PIEZO2: variants seen among roughly 807,000 people sequenced by gnomAD.
PIEZO2 encodes piezo-type mechanosensitive ion channel component 2.
PIEZO2 carries 172 observed loss-of-function variants against 337.3 expected under a neutral mutation model. The observed-to-expected ratio is 0.51, with a 90% CI of 0.45 to 0.58. The LOEUF (loss-of-function observed/expected upper bound fraction) is 0.58, where lower values mean the gene tolerates loss of function less well. Ranked by LOEUF, PIEZO2 falls within the 20% of genes least tolerant of loss-of-function variation. The pLI is 0.00. For missense variants in PIEZO2, 3,028 were observed against 3,391.3 expected, an observed-to-expected ratio of 0.89 and a Z score of 2.66; for synonymous variants, 1,251 against 1,228.5, an observed-to-expected ratio of 1.02 and a Z score of -0.38.
At chr18:10,961,806 A>T (rs1382082609) in intron 3 of PIEZO2, among the ~76,000 whole-genome samples, 2 of 152,222 alleles carry the variant, frequency 1.3e-5, no homozygotes, top group African/African-American at 4.8e-5. Flanking sequence ...GTCCACACTT[A>T]TCCAACCTTA....
chr18:10,967,907 GATTATT>G (rs757640823), intron 3 of PIEZO2, among the ~76,000 whole-genome samples: 3 of 151,452 alleles, frequency 2.0e-5, no homozygotes, highest in Non-Finnish European at 4.4e-5. Context: ...TTACTCTGCT[GATTATT>G]ATTATTATTA....
chr18:10,935,046 C>G (rs915014916), intron 3 of PIEZO2, among the ~76,000 whole-genome samples: 147 of 152,256 alleles, frequency 9.7e-4, no homozygotes, highest in Non-Finnish European at 3.5e-4. Flanking sequence ...GCTCTAACCA[C>G]TATGCTACAG....
chr18:11,021,778 A>G lies in PIEZO2; in HGVS notation c.161-42118T>C, dbSNP rs2036321704. Reference sequence around the variant, plus strand: ...GCACCTGCAGTGTGTGTGAGGCATCATCTAGACGCTGGGGGACTGCAGATG... The same window carrying G: ...GCACCTGCAGTGTGTGTGAGGCATCGTCTAGACGCTGGGGGACTGCAGATG... On this transcript the variant is annotated intron_variant, in intron 2 of 55. Transcript: ENST00000674853. This position sits in a 1 kb window ranked among gnomAD's most constrained non-coding sequence, Gnocchi z 4.7. 6.6e-6 allele frequency among the ~76,000 whole-genome samples: 1 copy of G among 152,214 alleles called. No individual in the cohort carries two copies. The highest frequency in any genetic ancestry group is 2.4e-5 in the African/African-American group (1 of 41,454).
intron 1 of PIEZO2, among the ~76,000 whole-genome samples, chr18:11,095,299 T>A (rs2039231119): frequency 6.6e-6 from 1 of 152,200 alleles, no homozygotes; most frequent in African/African-American, 2.4e-5. Context: ...GAGAAATAAA[T>A]AATACTCCCT....
In PIEZO2 at chr18:10,715,772, C is replaced by T; in HGVS notation, c.5134G>A (p.Val1712Ile). The part of the protein sequence containing the change: ...RIFNILKFTW[V>I]LFLATVDSFT... ...CTGTCCACTGTTGCCAGAAATAGGA[C>T]CCAGGTAAATTTCAAAATATTAAAT... The change falls in exon 38 of 56, where the codon GTC becomes ATC. Residue 1712 changes from valine (V) to isoleucine (I), a missense_variant. Val to Ile is a conservative substitution (Grantham distance 29). Transcript: ENST00000674853. 10 of 1,533,700 alleles carry T rather than the reference C, an allele frequency of 6.5e-6. No homozygotes were observed. Among genetic ancestry groups the T allele is most frequent in the Non-Finnish European group, 7.0e-6 (8 of 1,144,448 alleles).
rs956138619 is a variant in PIEZO2, at chr18:10,727,961, A to G, written c.5029+3446T>C. On this transcript the variant is annotated intron_variant, in intron 36 of 55. Transcript: ENST00000674853. The surrounding 1 kb of genome is among the most constrained non-coding windows in gnomAD (Gnocchi z 6.3). ...ACAATTAAAACAGTAATAACAAAAAAAAAAAAGAAAAAAGAAAAAAAGGGA... is the reference window on the plus strand; with the variant it reads ...ACAATTAAAACAGTAATAACAAAAAGAAAAAAGAAAAAAGAAAAAAAGGGA... 2.6e-5 allele frequency: 4 copies of G among 152,030 alleles called. No homozygotes were observed. The highest frequency in any genetic ancestry group is 5.9e-5 in the Non-Finnish European group (4 of 68,032). The allele number at this position is 152,030 out of a possible 1,614,324, so 9.4% of individuals were successfully genotyped here.
At chr18:11,034,175 C>A (rs1216398490) in intron 2 of PIEZO2, among the ~76,000 whole-genome samples, 1 of 136,916 alleles carries the variant, frequency 7.3e-6, no homozygotes, top group Non-Finnish European at 1.6e-5. Context: ...CAAAATAGTT[C>A]AGTCAGAAGT....
rs569772939 is a variant in PIEZO2 at position 11,077,819 on chromosome 18, G to A, written c.65-11597C>T. Among the ~76,000 whole-genome samples, 34 of 152,206 alleles carry A rather than the reference G, an allele frequency of 2.2e-4. No homozygotes were observed. The highest frequency in any genetic ancestry group is 3.7e-4 in the Non-Finnish European group (25 of 68,026). ...GTTCAGTTCAACATAAAATAAGGTG[G>A]GAATGGCTTACTAGACTGTGTTACA... On this transcript the variant is annotated intron_variant, in intron 1 of 55. Coordinates refer to ENST00000674853, the MANE Select transcript of PIEZO2 (RefSeq NM_001378183.1). The surrounding 1 kb of genome is among the most constrained non-coding windows in gnomAD (Gnocchi z 4.8).
At chr18:10,704,364 C>A (rs1210904892) in intron 42 of PIEZO2, 30 bp downstream of exon 42, 2 of 1,533,214 alleles carry the variant, frequency 1.3e-6, no homozygotes, top group East Asian at 2.4e-5. Context: ...CCGCCTGAAG[C>A]CATCCACAGG....
At chr18:11,025,389 G>A (rs1412324725) in intron 2 of PIEZO2, among the ~76,000 whole-genome samples, 3 of 152,148 alleles carry the variant, frequency 2.0e-5, no homozygotes, top group East Asian at 1.9e-4. Context: ...TAGTGTTTCC[G>A]TGAATTGCCT....
At chr18:10,696,027 C>T (rs766599588) in intron 47 of PIEZO2, 47 bp downstream of exon 47, 136 of 1,540,522 alleles carry the variant, frequency 8.8e-5, no homozygotes, top group Non-Finnish European at 1.2e-4. Flanking sequence ...TCAGGAAACA[C>T]AGTTGCATGG....
intron 1 of PIEZO2, among the ~76,000 whole-genome samples, chr18:11,139,316 A>C (rs953164580): frequency 6.6e-6 from 1 of 152,206 alleles, no homozygotes; most frequent in Non-Finnish European, 1.5e-5. Context: ...AAGATAGTAC[A>C]TTTCACCTTG....
At position 10,837,537 on chromosome 18, in the gene PIEZO2, G is replaced by T. The variant is rs904041116; in HGVS notation, c.917+17816C>A. Among the ~76,000 whole-genome samples, 17 of 152,106 alleles carry T rather than the reference G, an allele frequency of 1.1e-4. No homozygotes were observed. The highest frequency in any genetic ancestry group is 4.1e-4 in the African/African-American group (17 of 41,416). ...CCAGCAAGAAAGCTTGAGAACCACT[G>T]GTAGATGGTATCAATATCTCTTCCC... On this transcript the variant is annotated intron_variant, in intron 7 of 55. Coordinates refer to ENST00000674853, the MANE Select transcript of PIEZO2 (RefSeq NM_001378183.1). The surrounding 1 kb of genome is among the most constrained non-coding windows in gnomAD (Gnocchi z 4.4).
rs763696919 is a variant in PIEZO2, at chr18:11,109,153, G to C, written c.64+39372C>G. Among the ~76,000 whole-genome samples, 28 of 152,264 alleles carry C rather than the reference G, an allele frequency of 1.8e-4. No homozygotes were observed. The highest frequency in any genetic ancestry group is 3.2e-4 in the Non-Finnish European group (22 of 68,024). The stretch of plus-strand genomic sequence containing the variant: ...GGACGCTGAGTAAACAGTCTGCACA[G>C]CTTACAAACCACACATCTTGACAAC... On this transcript the variant is annotated intron_variant, in intron 1 of 55. Coordinates refer to ENST00000674853, the MANE Select transcript of PIEZO2 (RefSeq NM_001378183.1). The surrounding 1 kb of genome is among the most constrained non-coding windows in gnomAD (Gnocchi z 5.1).
chr18:10,838,712 T>C (rs2041097500), intron 7 of PIEZO2, among the ~76,000 whole-genome samples: 2 of 152,224 alleles, frequency 1.3e-5, no homozygotes, highest in Non-Finnish European at 2.9e-5. Context: ...GTTTATATTC[T>C]ATGAGTGTTG....
At chr18:11,140,136 C>T (rs1250381138) in intron 1 of PIEZO2, among the ~76,000 whole-genome samples, 1 of 152,176 alleles carries the variant, frequency 6.6e-6, no homozygotes, top group Non-Finnish European at 1.5e-5. Context: ...AGAGCAGCCC[C>T]AGAGCTCTTC....
At chr18:10,757,286 A>C (rs1425337969) in intron 27 of PIEZO2, among the ~76,000 whole-genome samples, 1 of 143,550 alleles carries the variant, frequency 7.0e-6, no homozygotes, top group Non-Finnish European at 1.5e-5. Context: ...AGGATGGATG[A>C]GGAGTAAGAA....
At chr18:10,947,341 A>G (rs1400873868) in intron 3 of PIEZO2, among the ~76,000 whole-genome samples, 3 of 152,234 alleles carry the variant, frequency 2.0e-5, no homozygotes, top group Non-Finnish European at 4.4e-5. Context: ...GAGGCCAGAA[A>G]AAAAGTGACA....
In PIEZO2 at chr18:10,813,772, G is replaced by A. The variant is rs1156740042; in HGVS notation, c.918-6498C>T. On this transcript the variant is annotated intron_variant, in intron 7 of 55. Transcript: ENST00000674853. The surrounding 1 kb of genome is among the most constrained non-coding windows in gnomAD (Gnocchi z 4.2). ...TAGCCATAAGTGAAATTGTTGGATC[G>A]TATGACCATTCTATTTTTAATAGAG... is the stretch of plus-strand genomic sequence containing the variant. Among the ~76,000 whole-genome samples, 3 of 151,982 alleles carry A rather than the reference G, an allele frequency of 2.0e-5. No individual in the cohort carries two copies. The highest frequency in any genetic ancestry group is 2.9e-5 in the Non-Finnish European group (2 of 67,996).
Sources: allele counts gnomAD v4.1 joint callset (sites outside exome capture counted in the v4.1 genomes callset), GRCh38; gene constraint gnomAD v4.1.1; non-coding constraint Gnocchi (gnomAD v3.1); transcripts MANE v1.5; gene names NCBI Gene and HGNC (gene_info 2026-07-23, HGNC 2026-07-21).